The following GRIK4 variants were observed in gnomAD, a reference collection of about 807,000 sequenced individuals.
GRIK4 encodes glutamate ionotropic receptor kainate type subunit 4, also known as glutamate receptor ionotropic, kainate 4.
GRIK4 carries 40 observed loss-of-function variants against 104.9 expected under a neutral mutation model. The observed-to-expected ratio is 0.38, with a 90% CI of 0.30 to 0.50. The LOEUF (loss-of-function observed/expected upper bound fraction) is 0.50. Ranked by LOEUF, GRIK4 falls within the 20% of genes least tolerant of loss-of-function variation. The pLI is 0.93. For synonymous variants in GRIK4, 485 were observed against 524.9 expected (o/e 0.92, Z 1.04); for missense variants, 1,047 against 1,308.1 (o/e 0.80, Z 3.08).
rs1952401277 is a variant in GRIK4, at chr11:120,791,837, T to C, written c.83-10856T>C. ...GTTCCAGCACAGTTTGTGTAAAGAC[T>C]TTTTTTCCCCACTGTACCTTTGTTA... On this transcript the variant is annotated intron_variant, in intron 3 of 20. Transcript: ENST00000527524. 1.3e-5 allele frequency among the ~76,000 whole-genome samples: 2 copies of C among 152,136 alleles called. 1 individual carries two copies. Among genetic ancestry groups the C allele is most frequent in the Admixed American group, 1.3e-4 (2 of 15,282 alleles).
At chr11:120,802,964 G>A (rs1368133197) in intron 4 of GRIK4, 107 bp downstream of exon 4, 8 of 959,352 alleles carry the variant, frequency 8.3e-6, no homozygotes, top group African/African-American at 1.6e-5. Context: ...ATCTGATGTC[G>A]ATATTTCCAG....
chr11:120,671,950 T>C (rs557408914), intron 3 of GRIK4, among the ~76,000 whole-genome samples: 1 of 152,364 alleles, frequency 6.6e-6, no homozygotes, highest in South Asian at 2.1e-4. Flanking sequence ...GTATGTTGTA[T>C]TTCTGAGGTC....
intron 3 of GRIK4, among the ~76,000 whole-genome samples, chr11:120,715,100 G>GAC (rs1192613265): frequency 6.6e-6 from 1 of 152,206 alleles, no homozygotes; most frequent in East Asian, 1.9e-4. Context: ...GAGCTCAAAA[G>GAC]ACAGGTATAG....
At chr11:120,574,309 A>G (rs369765309) in intron 1 of GRIK4, among the ~76,000 whole-genome samples, 56 of 152,178 alleles carry the variant, frequency 3.7e-4, no homozygotes, top group African/African-American at 1.3e-3. Context: ...GTCTTCTCCC[A>G]AAGAGGGAAT....
chr11:120,592,089 G>T (rs1487478547), intron 1 of GRIK4, among the ~76,000 whole-genome samples: 1 of 152,168 alleles, frequency 6.6e-6, no homozygotes, highest in Non-Finnish European at 1.5e-5. Flanking sequence ...CATCACAAAA[G>T]ACCTTGCTTT....
rs781043733 is a variant in GRIK4 at position 120,952,871 on chromosome 11, A to C, written c.1607A>C (p.Tyr536Ser). ...YRVHMGRKPG[Y>S]FSFLDPFSPG... Reference sequence around the variant, plus strand: ...CATTTCCAGGGACGCAAACCCGGCTATTTCTCCTTCCTGGACCCATTTTCT... The same window carrying C: ...CATTTCCAGGGACGCAAACCCGGCTCTTTCTCCTTCCTGGACCCATTTTCT... The change falls in exon 15 of 21, where the codon TAT becomes TCT. Residue 536 changes from tyrosine to serine, a missense_variant. By Grantham distance (144) the Tyr-to-Ser change is moderately radical (BLOSUM62 -2). Coordinates refer to ENST00000527524, the MANE Select transcript of GRIK4 (RefSeq NM_014619.5). This position sits in a 1 kb window ranked among gnomAD's most constrained non-coding sequence, Gnocchi z 5.2. 2 of 1,612,882 alleles carry C rather than the reference A, an allele frequency of 1.2e-6. No homozygotes were observed. The highest frequency in any genetic ancestry group is 1.7e-6 in the Non-Finnish European group (2 of 1,179,174).
chr11:120,940,606 A>G lies in GRIK4; in HGVS notation c.1590+146A>G, dbSNP rs770884271. ...GTGCTGGGCTATTTTTTCTCCTATC[A>G]TCTGCACGAACTTGCAAACTGAAGG... On this transcript the variant is annotated intron_variant, in intron 14 of 20. Transcript: ENST00000527524. This position sits in a 1 kb window ranked among gnomAD's most constrained non-coding sequence, Gnocchi z 4.3. 51 of 606,782 alleles carry G rather than the reference A, an allele frequency of 8.4e-5. No homozygotes were observed. Among genetic ancestry groups the G allele is most frequent in the Non-Finnish European group, 1.2e-4 (43 of 347,322 alleles). 37.6% of individuals were successfully genotyped at this position (606,782 alleles called of 1,614,324 possible).
chr11:120,578,812 G>A (rs1819695748), intron 1 of GRIK4, among the ~76,000 whole-genome samples: 2 of 152,158 alleles, frequency 1.3e-5, no homozygotes, highest in Admixed American at 6.5e-5. Flanking sequence ...ATGTCGTCCC[G>A]CTTCCTCACT....
intron 9 of GRIK4, among the ~76,000 whole-genome samples, chr11:120,864,263 T>C (rs867421038): frequency 7.7e-4 from 117 of 151,366 alleles, no homozygotes; most frequent in African/African-American, 1.8e-3. Context: ...ATTTTTGAGA[T>C]GGAGTCTTGC....
chr11:120,955,616 G>A (rs77571870), intron 15 of GRIK4, among the ~76,000 whole-genome samples: 8,350 of 152,296 alleles, frequency 0.055, 304 homozygotes, highest in Middle Eastern at 0.092. Context: ...TCAGAGAGAC[G>A]CCAGTGGTGA....
At chr11:120,859,915 T>C (rs1954216847) in intron 8 of GRIK4, among the ~76,000 whole-genome samples, 1 of 152,218 alleles carries the variant, frequency 6.6e-6, no homozygotes, top group African/African-American at 2.4e-5. Context: ...TTTGCACGTG[T>C]AAGCTAATGA....
At chr11:120,737,040 A>G (rs1356000427) in intron 3 of GRIK4, among the ~76,000 whole-genome samples, 1 of 152,162 alleles carries the variant, frequency 6.6e-6, no homozygotes, top group Admixed American at 6.5e-5. Flanking sequence ...GAGCTTTAAT[A>G]AGGATAGTCG....
At chr11:120,571,398 G>T (rs879708810) in intron 1 of GRIK4, among the ~76,000 whole-genome samples, 7 of 152,138 alleles carry the variant, frequency 4.6e-5, no homozygotes, top group Non-Finnish European at 8.8e-5. Flanking sequence ...CCCTGGGCTG[G>T]ATCTCCCGTT....
rs201898653 is a variant in GRIK4 at position 120,809,902 on chromosome 11, C to CA, written c.248-5470dup. Among the ~76,000 whole-genome samples, 6 of 152,040 alleles carry CA rather than the reference C, an allele frequency of 3.9e-5. No individual in the cohort carries two copies. In the East Asian group the frequency reaches 1.2e-3, roughly 29 times the overall value. On this transcript the variant is annotated intron_variant, in intron 4 of 20. Coordinates refer to ENST00000527524, the MANE Select transcript of GRIK4 (RefSeq NM_014619.5). ...GCGATGTAGTGGGGCCCCATCTCTA[C>CA]AAAAAATAAAAAATTAGCCAAGAAT...
At chr11:120,721,635 G>A (rs1239379917) in intron 3 of GRIK4, among the ~76,000 whole-genome samples, 2 of 152,164 alleles carry the variant, frequency 1.3e-5, no homozygotes, top group Non-Finnish European at 2.9e-5. Context: ...GGGTATAGGT[G>A]CCATCCTAGT....
intron 1 of GRIK4, among the ~76,000 whole-genome samples, chr11:120,598,075 G>A (rs1357146697): frequency 6.6e-6 from 1 of 152,196 alleles, no homozygotes; most frequent in South Asian, 2.1e-4. Context: ...CCCCTCCTGC[G>A]CTCCCTTGGC....
At chr11:120,817,011 C>T (rs1203342726) in intron 5 of GRIK4, among the ~76,000 whole-genome samples, 9 of 152,186 alleles carry the variant, frequency 5.9e-5, no homozygotes, top group Non-Finnish European at 1.3e-4. Flanking sequence ...TTTCTTGCGG[C>T]ACTCTGAGAA....
At chr11:120,885,130 A>C (rs896660546) in intron 11 of GRIK4, among the ~76,000 whole-genome samples, 1 of 152,230 alleles carries the variant, frequency 6.6e-6, no homozygotes, top group African/African-American at 2.4e-5. Context: ...TTTGGCAGTA[A>C]ATCTCCAGCA....
chr11:120,984,005 G>C (rs1944695486), intron 20 of GRIK4, among the ~76,000 whole-genome samples: 1 of 152,034 alleles, frequency 6.6e-6, no homozygotes. Context: ...ACAATTGGGG[G>C]GTGTGATGGG....
Sources: gnomAD v4.1 joint callset for allele counts (sites outside exome capture counted in the v4.1 genomes callset) on GRCh38, gnomAD v4.1.1 for gene constraint, Gnocchi (gnomAD v3.1) non-coding constraint, MANE v1.5 for transcripts, NCBI Gene and HGNC (gene_info 2026-07-23, HGNC 2026-07-21) for gene names.